Variants in PGAP1 observed in about 807,000 individuals in gnomAD.
PGAP1 encodes post-GPI attachment to proteins inositol deacylase 1.
A neutral mutation model predicts 127.0 loss-of-function variants in PGAP1; 76 were observed. The ratio of observed to expected loss-of-function variants is 0.60; its 90% CI spans 0.50 to 0.72. PGAP1 has a LOEUF of 0.72. Among genes scored for constraint, PGAP1 ranks in the 30% least tolerant of loss-of-function variants. The probability of loss-of-function intolerance (pLI) is 0.00; values close to 1 mark genes in which losing one functional copy is unlikely to be tolerated. For synonymous variants in PGAP1, 362 were observed against 366.5 expected (o/e 0.99, Z 0.14); for missense variants, 982 against 1,071.3 (o/e 0.92, Z 1.16).
intron 5 of PGAP1, among the ~76,000 whole-genome samples, chr2:196,902,024 T>G (rs748389676): frequency 6.6e-6 from 1 of 152,142 alleles, no homozygotes; most frequent in Non-Finnish European, 1.5e-5. Context: ...ACTTACTTTT[T>G]TTTGTTTGTT....
At chr2:196,917,692 A>G (rs1321558986) in intron 2 of PGAP1, among the ~76,000 whole-genome samples, 1 of 152,178 alleles carries the variant, frequency 6.6e-6, no homozygotes, top group East Asian at 1.9e-4. Context: ...TTTTTATTGA[A>G]TAATATTCCA....
At chr2:196,912,081 C>G (rs1244599774) in intron 4 of PGAP1, among the ~76,000 whole-genome samples, 1 of 152,072 alleles carries the variant, frequency 6.6e-6, no homozygotes, top group Non-Finnish European at 1.5e-5. Context: ...AATAATGGTG[C>G]CTACCTCATG....
intron 19 of PGAP1, among the ~76,000 whole-genome samples, chr2:196,867,722 A>G (rs1423449106): frequency 6.6e-6 from 1 of 152,206 alleles, no homozygotes; most frequent in East Asian, 1.9e-4. Flanking sequence ...TAGAACATGT[A>G]TAGACTTCTC....
intron 2 of PGAP1, among the ~76,000 whole-genome samples, chr2:196,917,630 A>G (rs1024084077): frequency 2.0e-5 from 3 of 149,082 alleles, no homozygotes; most frequent in African/African-American, 7.8e-5. Context: ...TTCACATAGC[A>G]TGTTTTCAAG....
rs1700294772 is a variant in PGAP1, at chr2:196,838,423, C to T, written c.*2811G>A. ...TGTAATTTAAAGGCAAAGAACTTTCCTTTTCTCAAGTGACAGAAACGTCCA... is the reference window on the plus strand; with the variant it reads ...TGTAATTTAAAGGCAAAGAACTTTCTTTTTCTCAAGTGACAGAAACGTCCA... On this transcript the variant is annotated 3_prime_UTR_variant, in exon 27 of 27. Coordinates refer to ENST00000354764, the MANE Select transcript of PGAP1 (RefSeq NM_024989.4). The T allele has an allele frequency of 1.3e-5, 2 of 152,110 alleles. No individual in the cohort carries two copies. Among genetic ancestry groups the T allele is most frequent in the Admixed American group, 1.3e-4 (2 of 15,264 alleles). The allele number at this position is 152,110 out of a possible 1,614,324, so 9.4% of individuals were successfully genotyped here.
intron 20 of PGAP1, among the ~76,000 whole-genome samples, chr2:196,855,160 C>T (rs753537888): frequency 2.0e-5 from 3 of 151,572 alleles, no homozygotes; most frequent in African/African-American, 7.3e-5. Context: ...CCTGTCTCTA[C>T]TAAAATACAA....
chr2:196,916,448 T>C lies in PGAP1; in HGVS notation c.447A>G (p.Glu149=). 6.2e-7 allele frequency: 1 copy of C among 1,612,768 alleles called. No individual in the cohort carries two copies. The highest frequency in any genetic ancestry group is 8.5e-7 in the Non-Finnish European group (1 of 1,179,490). Residue 149 remains glutamate (E), a synonymous_variant, in exon 3 of 27, where the codon GAA becomes GAG. Transcript: ENST00000354764. ...AGAGTTTGAGAATTGTTTTAATACA[T>C]TCATGTACAAACTTGGTCTGCTTCT... is the stretch of plus-strand genomic sequence containing the variant. ...SLQKQTKFVH[E]CIKTILKLYK...
intron 12 of PGAP1, among the ~76,000 whole-genome samples, chr2:196,882,755 G>T (rs571138356): frequency 6.6e-6 from 1 of 152,294 alleles, no homozygotes; most frequent in African/African-American, 2.4e-5. Context: ...CTTTTGGGCT[G>T]AGACGATGGA....
chr2:196,842,952 A>T, intron 25 of PGAP1, 127 bp from the exon 26 acceptor site: 1 of 393,692 alleles, frequency 2.5e-6, no homozygotes, highest in Non-Finnish European at 4.6e-6. Flanking sequence ...AGCTCTAAAT[A>T]GTTCATGAAA....
At chr2:196,869,856 T>C (rs1180088095) in intron 19 of PGAP1, among the ~76,000 whole-genome samples, 1 of 152,206 alleles carries the variant, frequency 6.6e-6, no homozygotes, top group African/African-American at 2.4e-5. Context: ...TAATTTTGCC[T>C]TGTGAGTTTT....
rs150663472 is a variant in PGAP1 at position 196,862,727 on chromosome 2, G to A, written c.1861+2260C>T. ...ATAGAAAAGAACCTACGTGACTATC[G>A]GGGCAGGTTCCCTGATACCTGTCTC... On this transcript the variant is annotated intron_variant, in intron 20 of 26. Transcript: ENST00000354764. Among the ~76,000 whole-genome samples the A allele has an allele frequency of 1.1e-3, 166 of 152,190 alleles. No individual in the cohort carries two copies. In the East Asian group the frequency reaches 0.021, roughly 19 times the overall value.
chr2:196,853,183 C>T (rs891179997), intron 20 of PGAP1, among the ~76,000 whole-genome samples: 1 of 152,242 alleles, frequency 6.6e-6, no homozygotes, highest in Non-Finnish European at 1.5e-5. Context: ...CTCCTGAGAT[C>T]TGTTCTTCCT....
intron 13 of PGAP1, among the ~76,000 whole-genome samples, 153 bp from the exon 14 acceptor site, chr2:196,875,974 G>A (rs1701557668): frequency 6.6e-6 from 1 of 151,994 alleles, no homozygotes. Flanking sequence ...ATACTTAAGT[G>A]GCAAGAATTT....
chr2:196,920,430 T>C (rs1703150066), intron 1 of PGAP1, among the ~76,000 whole-genome samples: 1 of 152,130 alleles, frequency 6.6e-6, no homozygotes, highest in African/African-American at 2.4e-5. Context: ...AAATAGCCAC[T>C]GACAATGGCA....
intron 5 of PGAP1, among the ~76,000 whole-genome samples, chr2:196,899,999 T>C (rs111682534): frequency 2.6e-5 from 4 of 152,246 alleles, no homozygotes; most frequent in South Asian, 2.1e-4. Context: ...GATTGTGCCA[T>C]TGCACTCCAG....
intron 21 of PGAP1, 41 bp from the exon 22 acceptor site, chr2:196,847,241 C>A (rs190048866): frequency 9.4e-6 from 14 of 1,485,574 alleles, no homozygotes; most frequent in Middle Eastern, 3.5e-4. Context: ...AACCCAACAA[C>A]TGAAATTTAA....
chr2:196,876,375 A>C (rs1365530956), intron 13 of PGAP1, among the ~76,000 whole-genome samples: 2 of 152,122 alleles, frequency 1.3e-5, no homozygotes, highest in African/African-American at 4.8e-5. Context: ...CAGTTATCAC[A>C]GTAAGTGGAA....
At chr2:196,918,202 T>C (rs1288014359) in intron 2 of PGAP1, among the ~76,000 whole-genome samples, 2 of 152,172 alleles carry the variant, frequency 1.3e-5, no homozygotes, top group African/African-American at 4.8e-5. Flanking sequence ...AAAAATTTAA[T>C]GTCTGACAAT....
intron 14 of PGAP1, 25 bp downstream of exon 14, chr2:196,875,721 T>G (rs529318368): frequency 3.0e-6 from 4 of 1,318,828 alleles, no homozygotes; most frequent in Non-Finnish European, 4.3e-6. Flanking sequence ...GCAATTCTTA[T>G]GCTTTCCAAA....
Sources: gnomAD v4.1 joint callset for allele counts (sites outside exome capture counted in the v4.1 genomes callset) on GRCh38, gnomAD v4.1.1 for gene constraint, MANE v1.5 for transcripts, NCBI Gene and HGNC (gene_info 2026-07-23, HGNC 2026-07-21) for gene names.